The following NLGN1 variants were observed in gnomAD, a reference collection of about 807,000 sequenced individuals.
NLGN1 encodes neuroligin-1.
NLGN1 carries 12 observed loss-of-function variants against 65.5 expected under a neutral mutation model. That is an observed-to-expected ratio of 0.18 (90% CI 0.12 to 0.30). The LOEUF (loss-of-function observed/expected upper bound fraction) is 0.30, where lower values mean the gene tolerates loss of function less well. Ranked by LOEUF, NLGN1 falls within the 10% of genes least tolerant of loss-of-function variation. NLGN1 has a pLI of 1.00. For synonymous variants in NLGN1, 350 were observed against 359.5 expected (o/e 0.97, Z 0.30); for missense variants, 750 against 1,007.1 (o/e 0.74, Z 3.46).
chr3:173,727,811 G>A (rs1772052877), intron 3 of NLGN1, among the ~76,000 whole-genome samples: 1 of 152,092 alleles, frequency 6.6e-6, no homozygotes, highest in Non-Finnish European at 1.5e-5. Context: ...ATTTTTTGAT[G>A]CTGCTAAGAA....
chr3:174,198,127 C>A (rs6808995), intron 4 of NLGN1, among the ~76,000 whole-genome samples: 31,299 of 151,992 alleles, frequency 0.21, 3,634 homozygotes, highest in African/African-American at 0.31. Context: ...ATAATATAAT[C>A]ATTCTACATT....
intron 3 of NLGN1, among the ~76,000 whole-genome samples, chr3:173,779,468 T>G (rs1336685162): frequency 1.1e-5 from 1 of 90,302 alleles, no homozygotes; most frequent in African/African-American, 4.9e-5. Flanking sequence ...TCATTTTTCT[T>G]AATGGTTTTT....
At chr3:173,807,282 C>G (rs951357724) in intron 3 of NLGN1, among the ~76,000 whole-genome samples, 61 of 151,996 alleles carry the variant, frequency 4.0e-4, no homozygotes, top group African/African-American at 1.4e-3. Context: ...GCAATAATAC[C>G]ATTGTCTTTA....
chr3:174,171,182 A>C (rs1456025135), intron 4 of NLGN1, among the ~76,000 whole-genome samples: 3 of 152,164 alleles, frequency 2.0e-5, no homozygotes, highest in Non-Finnish European at 4.4e-5. Context: ...ATATTTTTGC[A>C]AACAAATGAA....
chr3:173,558,094 G>T (rs1417899050), intron 2 of NLGN1, among the ~76,000 whole-genome samples: 1 of 150,068 alleles, frequency 6.7e-6, no homozygotes, highest in Non-Finnish European at 1.5e-5. Context: ...TATTATTTCT[G>T]ATAGAATATC....
intron 3 of NLGN1, among the ~76,000 whole-genome samples, chr3:173,726,648 A>G (rs937172475): frequency 2.0e-5 from 3 of 152,074 alleles, no homozygotes; most frequent in Non-Finnish European, 4.4e-5. Context: ...GCTTTCAAAT[A>G]TTTATTGAAG....
At chr3:173,972,449 C>A (rs2152376932) in intron 4 of NLGN1, among the ~76,000 whole-genome samples, 1 of 152,256 alleles carries the variant, frequency 6.6e-6, no homozygotes, top group East Asian at 1.9e-4. Flanking sequence ...ATGTACAAAT[C>A]ACACTTATTT....
At chr3:173,458,730 A>T (rs749468623) in intron 2 of NLGN1, among the ~76,000 whole-genome samples, 1 of 152,036 alleles carries the variant, frequency 6.6e-6, no homozygotes, top group African/African-American at 2.4e-5. Context: ...AGAAATGAGG[A>T]TTTATTTTTC....
At chr3:174,278,542 G>A (rs775651837) in intron 5 of NLGN1, among the ~76,000 whole-genome samples, 33 of 151,818 alleles carry the variant, frequency 2.2e-4, no homozygotes, top group Non-Finnish European at 3.1e-4. Context: ...GATAATATAC[G>A]TATTTACACA....
Position 173,841,913 on chromosome 3 carries a change from GA to G in NLGN1, c.646+34084del, listed in dbSNP as rs1452206941. On this transcript the variant is annotated intron_variant, in intron 4 of 6. Coordinates refer to ENST00000457714, the Ensembl canonical transcript of NLGN1. Reference sequence around the variant, plus strand: ...TAGGGACAGTATCTCAAAAGGTTAAGAAATATATGCTTAATGGGAGGAAAAA... The same window carrying G: ...TAGGGACAGTATCTCAAAAGGTTAAGAATATATGCTTAATGGGAGGAAAAA... Among the ~76,000 whole-genome samples the G allele has an allele frequency of 3.3e-5, 5 of 152,242 alleles. No homozygotes were observed. In the East Asian group the frequency reaches 9.7e-4, roughly 29 times the overall value.
In NLGN1 at chr3:174,264,512, A is replaced by C. The variant is rs112555947; in HGVS notation, c.647-10803A>C. ...CTTCTGCATTCTTCACGTAGTTCTC[A>C]AGCCTTGGTTTTCAGCTCCATCAGC... On this transcript the variant is annotated intron_variant, in intron 4 of 6. Coordinates refer to ENST00000457714, the Ensembl canonical transcript of NLGN1. 9.8e-3 allele frequency among the ~76,000 whole-genome samples: 1,477 copies of C among 150,298 alleles called. 17 individuals are homozygous for C. Among genetic ancestry groups the C allele is most frequent in the Non-Finnish European group, 0.016 (1,110 of 67,622 alleles).
intron 3 of NLGN1, among the ~76,000 whole-genome samples, chr3:173,760,643 AGTTTT>A (rs997318592): frequency 1.3e-5 from 2 of 152,046 alleles, no homozygotes; most frequent in African/African-American, 4.8e-5. Context: ...AGTCTAATTT[AGTTTT>A]ATTTAGTACC....
intron 4 of NLGN1, among the ~76,000 whole-genome samples, chr3:174,065,012 TATAA>T (rs1738218848): frequency 6.6e-6 from 1 of 151,814 alleles, no homozygotes; most frequent in Non-Finnish European, 1.5e-5. Context: ...TCAAGTATTT[TATAA>T]ATAAGTACAG....
At chr3:173,561,894 G>A (rs1742795908) in intron 2 of NLGN1, among the ~76,000 whole-genome samples, 2 of 152,198 alleles carry the variant, frequency 1.3e-5, no homozygotes, top group African/African-American at 4.8e-5. Flanking sequence ...ATAATCTGCT[G>A]AAGGCTCGAA....
At chr3:173,548,716 C>G (rs945891264) in intron 2 of NLGN1, among the ~76,000 whole-genome samples, 1 of 151,566 alleles carries the variant, frequency 6.6e-6, no homozygotes, top group Non-Finnish European at 1.5e-5. Flanking sequence ...TAGAATCTAG[C>G]GAACACAAAC....
At chr3:173,548,492 T>G (rs1577220510) in intron 2 of NLGN1, among the ~76,000 whole-genome samples, 1 of 152,038 alleles carries the variant, frequency 6.6e-6, no homozygotes, top group Non-Finnish European at 1.5e-5. Flanking sequence ...CATTTTTTTT[T>G]TTTTTGTAGA....
intron 4 of NLGN1, among the ~76,000 whole-genome samples, chr3:174,191,638 A>G (rs538697752): frequency 1.4e-4 from 22 of 152,290 alleles, no homozygotes; most frequent in African/African-American, 5.3e-4. Context: ...ACCACATTCA[A>G]GCTATGAAGA....
chr3:173,936,764 T>A (rs918778071), intron 4 of NLGN1, among the ~76,000 whole-genome samples: 1 of 152,110 alleles, frequency 6.6e-6, no homozygotes, highest in South Asian at 2.1e-4. Flanking sequence ...CTTCCTTGCA[T>A]CAGTTTTTCA....
At chr3:173,815,316 CAAG>C (rs1479429293) in intron 4 of NLGN1, among the ~76,000 whole-genome samples, 2 of 152,028 alleles carry the variant, frequency 1.3e-5, no homozygotes, top group African/African-American at 4.8e-5. Context: ...ACCGTGTTAG[CAAG>C]GATGGTCTCA....
Sources: allele counts gnomAD v4.1 joint callset (sites outside exome capture counted in the v4.1 genomes callset), GRCh38; gene constraint gnomAD v4.1.1; transcripts MANE v1.5; gene names NCBI Gene and HGNC (gene_info 2026-07-23, HGNC 2026-07-21).